GLDC: variants seen among roughly 807,000 people sequenced by gnomAD.
GLDC encodes the protein glycine decarboxylase, also known as glycine dehydrogenase (decarboxylating), mitochondrial.
A neutral mutation model predicts 121.3 loss-of-function variants in GLDC; 104 were observed. The ratio of observed to expected loss-of-function variants is 0.86; its 90% confidence interval spans 0.73 to 1.01. GLDC has a LOEUF of 1.01. Ranked by LOEUF, GLDC falls within the 50% of genes least tolerant of loss-of-function variation. GLDC has a pLI of 0.00. For synonymous variants in GLDC, 546 were observed against 480.6 expected (o/e 1.14, Z -1.78); for missense variants, 1,429 against 1,306.6 (o/e 1.09, Z -1.44).
chr9:6,587,933 C>G (rs1243443529), intron 14 of GLDC, among the ~76,000 whole-genome samples: 1 of 152,018 alleles, frequency 6.6e-6, no homozygotes, highest in African/African-American at 2.4e-5. Context: ...AAAATGGATC[C>G]TGGCCTAGTA....
intron 3 of GLDC, among the ~76,000 whole-genome samples, chr9:6,619,467 C>T (rs1311939332): frequency 6.6e-6 from 1 of 152,166 alleles, no homozygotes; most frequent in African/African-American, 2.4e-5. Context: ...GTGGCTCATG[C>T]CTGTAATCCC....
chr9:6,555,852 TTG>T (rs944005865), intron 18 of GLDC, among the ~76,000 whole-genome samples: 1 of 152,000 alleles, frequency 6.6e-6, no homozygotes, highest in Non-Finnish European at 1.5e-5. Flanking sequence ...CTCAAAAAGA[TTG>T]TGTCACTCCT....
Position 6,554,799 on chromosome 9 carries a change from G to C in GLDC, c.2203-18C>G. ...ATTCCCACCTACCACAAAGGCAAGG[G>C]CCAAAAGCAAAAGTCAAGAGCTTGG... On this transcript the variant is annotated intron_variant, in intron 18 of 24. Transcript: ENST00000321612. 1 of 1,590,680 alleles carries C rather than the reference G, an allele frequency of 6.3e-7. No individual in the cohort carries two copies.
intron 15 of GLDC, among the ~76,000 whole-genome samples, chr9:6,566,795 G>A (rs550966043): frequency 6.6e-6 from 1 of 152,254 alleles, no homozygotes; most frequent in Non-Finnish European, 1.5e-5. Flanking sequence ...TTAAACAAAT[G>A]AAAATTTAAA....
At chr9:6,589,816 G>A (rs906162286) in intron 11 of GLDC, among the ~76,000 whole-genome samples, 2 of 152,206 alleles carry the variant, frequency 1.3e-5, no homozygotes, top group East Asian at 1.9e-4. Context: ...CAGCACTTTG[G>A]GAGGCCGAGG....
chr9:6,542,874 A>T (rs1458503852), intron 21 of GLDC, among the ~76,000 whole-genome samples: 1 of 123,752 alleles, frequency 8.1e-6, no homozygotes, highest in Non-Finnish European at 1.6e-5. Context: ...TGACGGAGTG[A>T]GACCTTTTCT....
intron 9 of GLDC, 108 bp downstream of exon 9, chr9:6,594,906 A>T: frequency 6.4e-6 from 5 of 775,634 alleles, no homozygotes; most frequent in Non-Finnish European, 1.2e-5. Context: ...CTCGTTTCTC[A>T]CTTGACTTTT....
intron 15 of GLDC, among the ~76,000 whole-genome samples, chr9:6,585,852 GTATGTATGTATGTATGTATC>G (rs1272965184): frequency 2.0e-5 from 2 of 99,324 alleles, no homozygotes; most frequent in African/African-American, 7.7e-5. Flanking sequence ...ATGTATGTAT[GTATGTATGTATGTATGTATC>G]TATCTATCTA....
chr9:6,625,685 A>G (rs1261410786), intron 2 of GLDC, among the ~76,000 whole-genome samples: 1 of 151,826 alleles, frequency 6.6e-6, no homozygotes. Flanking sequence ...TGTTGTTTTG[A>G]TTTTGCTTGT....
At position 6,532,759 on chromosome 9, in the gene GLDC, A is replaced by C; in HGVS notation, c.*258T>G. On this transcript the variant is annotated 3_prime_UTR_variant, in exon 25 of 25. Transcript: ENST00000321612. ...AAAGTTAAAGTTCCTAAAACTTTCTACGCAAAACACAAAATGGCTCCCAAT... is the reference window on the plus strand; with the variant it reads ...AAAGTTAAAGTTCCTAAAACTTTCTCCGCAAAACACAAAATGGCTCCCAAT... 2.1e-6 allele frequency: 1 copy of C among 473,124 alleles called. No homozygotes were observed. Among genetic ancestry groups the C allele is most frequent in the East Asian group, 4.0e-5 (1 of 24,778 alleles). 29.3% of individuals were successfully genotyped at this position (473,124 alleles called of 1,614,324 possible).
chr9:6,593,416 A>C (rs962678928), intron 9 of GLDC, among the ~76,000 whole-genome samples: 6 of 151,666 alleles, frequency 4.0e-5, no homozygotes, highest in African/African-American at 1.5e-4. Context: ...CCCTTGCCTC[A>C]GCCTCCCAAG....
intron 15 of GLDC, among the ~76,000 whole-genome samples, chr9:6,577,003 G>C (rs916871565): frequency 1.3e-5 from 2 of 152,084 alleles, no homozygotes; most frequent in Non-Finnish European, 2.9e-5. Flanking sequence ...TTCTCTCTTA[G>C]AAAGAAAATT....
chr9:6,601,703 C>T (rs1230650384), intron 8 of GLDC, among the ~76,000 whole-genome samples: 2 of 152,146 alleles, frequency 1.3e-5, no homozygotes, highest in African/African-American at 4.8e-5. Context: ...TGGCTCACTG[C>T]AGCCTCAACC....
At chr9:6,622,448 T>A (rs1819124103) in intron 2 of GLDC, among the ~76,000 whole-genome samples, 2 of 150,904 alleles carry the variant, frequency 1.3e-5, no homozygotes, top group South Asian at 4.2e-4. Context: ...TTCCCTGTGT[T>A]GGCCGGGCTG....
chr9:6,543,175 T>A (rs1319872778), intron 21 of GLDC, among the ~76,000 whole-genome samples: 5 of 152,068 alleles, frequency 3.3e-5, no homozygotes, highest in Non-Finnish European at 5.9e-5. Context: ...CTTGGGAGGC[T>A]GAGGTGGGAG....
intron 4 of GLDC, among the ~76,000 whole-genome samples, chr9:6,608,932 C>A (rs945194093): frequency 6.6e-6 from 1 of 152,060 alleles, no homozygotes. Context: ...CCACCCCCAA[C>A]GGCTGCTCAG....
intron 2 of GLDC, among the ~76,000 whole-genome samples, chr9:6,621,453 A>ATC (rs1819091945): frequency 6.6e-6 from 1 of 152,190 alleles, no homozygotes; most frequent in Non-Finnish European, 1.5e-5. Flanking sequence ...TACTAATCCA[A>ATC]TCTCACACTT....
chr9:6,600,988 G>A (rs190103809), intron 8 of GLDC, among the ~76,000 whole-genome samples: 1 of 152,224 alleles, frequency 6.6e-6, no homozygotes, highest in East Asian at 1.9e-4. Context: ...ACCTGGCCAA[G>A]ATGGTGAAAC....
intron 2 of GLDC, among the ~76,000 whole-genome samples, chr9:6,634,029 A>C (rs1819447180): frequency 6.6e-6 from 1 of 151,210 alleles, no homozygotes; most frequent in Non-Finnish European, 1.5e-5. Context: ...ACGGGGTTTC[A>C]CCGTGTTAGC....
Sources: gnomAD v4.1 joint callset for allele counts (sites outside exome capture counted in the v4.1 genomes callset) on GRCh38, gnomAD v4.1.1 for gene constraint, MANE v1.5 for transcripts, NCBI Gene and HGNC (gene_info 2026-07-23, HGNC 2026-07-21) for gene names.